Variants in SOX5 observed in about 807,000 individuals in gnomAD.
The protein encoded by SOX5 is SRY-box transcription factor 5.
SOX5 carries 9 observed loss-of-function variants against 92.0 expected under a neutral mutation model. That is an observed-to-expected ratio of 0.10 (90% CI 0.06 to 0.17). SOX5 has a LOEUF of 0.17. SOX5 is among the 10% of genes least tolerant of loss of function. The pLI, the probability that SOX5 is intolerant of heterozygous loss-of-function variation, is 1.00. For missense variants in SOX5, 642 were observed against 944.5 expected, an observed-to-expected ratio of 0.68 and a Z score of 4.20; for synonymous variants, 344 against 336.3, an observed-to-expected ratio of 1.02 and a Z score of -0.25.
At chr12:23,686,742 T>G (rs192276777) in intron 6 of SOX5, among the ~76,000 whole-genome samples, 3 of 152,110 alleles carry the variant, frequency 2.0e-5, no homozygotes, top group Non-Finnish European at 4.4e-5. Flanking sequence ...TTGGAAATTC[T>G]GATAGCAATC....
chr12:24,307,520 C>CAGGGAGGGAA (rs1948737557), intron 2 of SOX5, among the ~76,000 whole-genome samples: 2 of 7,706 alleles, frequency 2.6e-4, no homozygotes, highest in Non-Finnish European at 9.5e-4. Context: ...GAAGGAAGGC[C>CAGGGAGGGAA]GGCCCCCCCA....
chr12:23,704,551 T>G (rs1393345928), intron 6 of SOX5, among the ~76,000 whole-genome samples: 1 of 151,310 alleles, frequency 6.6e-6, no homozygotes, highest in Non-Finnish European at 1.5e-5. Context: ...TAACGACACC[T>G]AGGAAAGTTG....
chr12:24,280,972 A>C (rs1945105527), intron 2 of SOX5, among the ~76,000 whole-genome samples: 1 of 146,170 alleles, frequency 6.8e-6, no homozygotes, highest in Non-Finnish European at 1.5e-5. Flanking sequence ...TGCAAAGATT[A>C]AAGTGTCAGG....
chr12:24,255,418 T>G (rs1049703265), intron 3 of SOX5, among the ~76,000 whole-genome samples: 5 of 152,326 alleles, frequency 3.3e-5, no homozygotes, highest in East Asian at 3.9e-4. Context: ...GGTTTACACG[T>G]TTTTAGCAAA....
intron 4 of SOX5, among the ~76,000 whole-genome samples, chr12:24,075,452 T>G (rs1349334424): frequency 6.6e-6 from 1 of 152,106 alleles, no homozygotes; most frequent in East Asian, 1.9e-4. Flanking sequence ...TAGATAGCTA[T>G]GACCTACATT....
At chr12:23,739,736 G>A (rs557213759) in intron 5 of SOX5, among the ~76,000 whole-genome samples, 154 of 152,176 alleles carry the variant, frequency 1.0e-3, no homozygotes, top group African/African-American at 3.5e-3. Context: ...TCCTATCCCC[G>A]ATATTAACAT....
rs767224059 is a variant in SOX5 at position 23,532,802 on chromosome 12, T to G, written c.*1417A>C. On this transcript the variant is annotated 3_prime_UTR_variant, in exon 15 of 15. Transcript: ENST00000451604. ...AAAATACCTTATAAAATCATCAGTT[T>G]CATTTCCTGATCGGGAAAGGATGGA... 6.2e-6 allele frequency: 1 copy of G among 161,684 alleles called. No individual in the cohort carries two copies. The allele number at this position is 161,684 out of a possible 1,614,324, so 10.0% of individuals were successfully genotyped here.
chr12:24,430,010 C>T (rs962442644), intron 1 of SOX5, among the ~76,000 whole-genome samples: 1 of 152,110 alleles, frequency 6.6e-6, no homozygotes, highest in Admixed American at 6.5e-5. Context: ...AATCTATTAG[C>T]ACAGTTTTTA....
At position 24,086,940 on chromosome 12, in the gene SOX5, C is replaced by A. The variant is rs146734463; in HGVS notation, c.-2+126403G>T. ...CACAAGTGGTATTTCAACAATAGTT[C>A]GGAATGTACCAATCAAAAAGAGGGT... On this transcript the variant is annotated intron_variant, in intron 4 of 4. Coordinates refer to the SOX5 transcript ENST00000446891. Among the ~76,000 whole-genome samples, 11 of 151,992 alleles carry A rather than the reference C, an allele frequency of 7.2e-5. No homozygotes were observed. In the East Asian group the frequency reaches 2.1e-3, roughly 29 times the overall value.
intron 7 of SOX5, among the ~76,000 whole-genome samples, chr12:23,641,511 C>T (rs1387303373): frequency 6.6e-6 from 1 of 151,958 alleles, no homozygotes; most frequent in Admixed American, 6.6e-5. Flanking sequence ...GAAAATAGAT[C>T]CCTTCCCCCC....
chr12:24,058,843 A>C (rs1273198785), intron 4 of SOX5, among the ~76,000 whole-genome samples: 1 of 152,202 alleles, frequency 6.6e-6, no homozygotes. Flanking sequence ...CCCATTGTAC[A>C]TATGTAGTTA....
chr12:23,978,092 C>A (rs1344996134), intron 4 of SOX5, among the ~76,000 whole-genome samples: 1 of 152,142 alleles, frequency 6.6e-6, no homozygotes, highest in Non-Finnish European at 1.5e-5. Context: ...ATTCATATAA[C>A]TATTATTAAT....
intron 2 of SOX5, among the ~76,000 whole-genome samples, chr12:24,290,854 G>C (rs1050177390): frequency 6.6e-6 from 1 of 152,176 alleles, no homozygotes; most frequent in African/African-American, 2.4e-5. Flanking sequence ...TAATGAAGGC[G>C]AGTCTTAAAG....
At chr12:24,367,765 TAAATACATCC>T (rs1427855287) in intron 2 of SOX5, among the ~76,000 whole-genome samples, 3 of 152,194 alleles carry the variant, frequency 2.0e-5, no homozygotes, top group Non-Finnish European at 4.4e-5. Context: ...TAACACTTAT[TAAATACATCC>T]AAATACATCC....
intron 4 of SOX5, among the ~76,000 whole-genome samples, chr12:24,209,532 T>C (rs1184390599): frequency 6.6e-6 from 1 of 152,190 alleles, no homozygotes; most frequent in African/African-American, 2.4e-5. Context: ...AATCTAAGCC[T>C]AGATAACTTA....
chr12:24,263,796 G>T (rs16927373), intron 3 of SOX5, among the ~76,000 whole-genome samples: 3,924 of 152,134 alleles, frequency 0.026, 139 homozygotes, highest in African/African-American at 0.074. Context: ...TTTCACAGGG[G>T]TACTGTTTCA....
chr12:23,542,062 A>G (rs368681349), intron 13 of SOX5, among the ~76,000 whole-genome samples: 5 of 151,982 alleles, frequency 3.3e-5, no homozygotes, highest in African/African-American at 1.2e-4. Context: ...GTGAGCCGAG[A>G]TCACACCACT....
intron 3 of SOX5, among the ~76,000 whole-genome samples, chr12:23,817,334 C>T (rs1338245965): frequency 1.3e-5 from 2 of 152,182 alleles, no homozygotes; most frequent in Non-Finnish European, 2.9e-5. Flanking sequence ...ATATCCTCTA[C>T]TCTTTAAAGT....
upstream of SOX5, chr12:23,950,876 T>A: frequency 1.3e-6 from 2 of 1,535,158 alleles, no homozygotes; most frequent in Non-Finnish European, 1.7e-6. Flanking sequence ...TACACAGACA[T>A]GCATGCAGAG....
Sources: gnomAD v4.1 joint callset for allele counts (sites outside exome capture counted in the v4.1 genomes callset) on GRCh38, gnomAD v4.1.1 for gene constraint, MANE v1.5 for transcripts, NCBI Gene and HGNC (gene_info 2026-07-23, HGNC 2026-07-21) for gene names.